Variants in COL6A3 observed in about 807,000 individuals in gnomAD.
The protein encoded by COL6A3 is collagen type VI alpha 3 chain, also known as collagen alpha-3(VI) chain.
COL6A3 carries 137 observed loss-of-function variants against 274.1 expected under a neutral mutation model. The ratio of observed to expected loss-of-function variants is 0.50; its 90% confidence interval spans 0.44 to 0.58. The LOEUF (loss-of-function observed/expected upper bound fraction) is 0.58, where lower values mean the gene tolerates loss of function less well. Ranked by LOEUF, COL6A3 falls within the 20% of genes least tolerant of loss-of-function variation. COL6A3 has a pLI of 0.00. For synonymous variants in COL6A3, 1,650 were observed against 1,650.6 expected, an observed-to-expected ratio of 1.00 and a Z score of 0.01; for missense variants, 3,950 against 4,124.9, an observed-to-expected ratio of 0.96 and a Z score of 1.16.
At chr2:237,404,500 A>C (rs920785666) in intron 1 of COL6A3, among the ~76,000 whole-genome samples, 2 of 152,204 alleles carry the variant, frequency 1.3e-5, no homozygotes, top group African/African-American at 2.4e-5. Flanking sequence ...AGAGTATTAT[A>C]GAGGCTCTTT....
Position 237,372,239 on chromosome 2 carries a change from C to T in COL6A3, c.3778G>A (p.Asp1260Asn), listed in dbSNP as rs2077711625. ...YVRTLIERLVDYLDVGFDTTR... is the reference protein window; with the variant it reads ...YVRTLIERLVNYLDVGFDTTR... The stretch of plus-strand genomic sequence containing the variant: ...GTGTCAAAGCCCACGTCCAGGTAGT[C>T]AACCAGCCTCTCTATGAGGGTGCGA... The change falls in exon 9 of 44, where the codon GAC becomes AAC. Residue 1260 changes from aspartate (D) to asparagine (N), a missense_variant. Asp to Asn is a conservative substitution (Grantham distance 23, BLOSUM62 1). Around this residue, in one of 5 missense-constraint regions of COL6A3, gnomAD observed 1,934 missense variants for 1,984.3 expected, o/e 0.97. Coordinates refer to ENST00000295550, the MANE Select transcript of COL6A3 (RefSeq NM_004369.4). The T allele has an allele frequency of 1.2e-6, 2 of 1,613,948 alleles. No individual in the cohort carries two copies. The highest frequency in any genetic ancestry group is 1.7e-6 in the Non-Finnish European group (2 of 1,180,046).
At chr2:237,384,630 T>G (rs932179988) in intron 4 of COL6A3, among the ~76,000 whole-genome samples, 3 of 152,032 alleles carry the variant, frequency 2.0e-5, no homozygotes, top group Non-Finnish European at 4.4e-5. Context: ...CTCCCATGCC[T>G]CCTTGGGAAG....
chr2:237,387,166 A>G (rs1489855716), intron 4 of COL6A3, among the ~76,000 whole-genome samples: 1 of 152,188 alleles, frequency 6.6e-6, no homozygotes, highest in Admixed American at 6.5e-5. Context: ...TACTCTGTCT[A>G]TGAGCACACT....
chr2:237,373,358 G>A (rs1038183598), intron 8 of COL6A3, among the ~76,000 whole-genome samples: 2 of 152,146 alleles, frequency 1.3e-5, no homozygotes, highest in Non-Finnish European at 2.9e-5. Context: ...CACACAAAGC[G>A]CCTTAGTTAG....
chr2:237,392,657 T>G (rs1283104394), intron 3 of COL6A3, among the ~76,000 whole-genome samples: 3 of 152,238 alleles, frequency 2.0e-5, no homozygotes, highest in Non-Finnish European at 4.4e-5. Flanking sequence ...TCTTTTTTGA[T>G]TCAAAGAATT....
Position 237,360,278 on chromosome 2 carries a change from A to G in COL6A3, c.6211-119T>C. ...CATGCAGCAGAAAGCAGATTTCACCATGGGGAACGCCGATCGAGGCTACGT... is the reference window on the plus strand; with the variant it reads ...CATGCAGCAGAAAGCAGATTTCACCGTGGGGAACGCCGATCGAGGCTACGT... On this transcript the variant is annotated intron_variant, in intron 16 of 43. Transcript: ENST00000295550. 4 of 1,014,966 alleles carry G rather than the reference A, an allele frequency of 3.9e-6. No individual in the cohort carries two copies. The East Asian group carries it at 7.8e-5, about 20-fold the overall frequency. 62.9% of individuals were successfully genotyped at this position (1,014,966 alleles called of 1,614,324 possible). A position where few individuals can be genotyped will look rare whatever the true frequency, so the allele number is the denominator to read the frequency against.
rs1559235095 is a variant in COL6A3 at position 237,365,948 on chromosome 2, T to C, written c.5588A>G (p.Asp1863Gly). The change falls in exon 12 of 44, where the codon GAC becomes GGC. Residue 1863 changes from aspartate to glycine, a missense_variant. Transcript: ENST00000295550. The part of the protein sequence containing the change: ...VAQKGFESKV[D>G]AILNRISQMH... Reference sequence around the variant, plus strand: ...CTGGCTGATTCTGTTCAAGATGGCGTCCACCTTGGACTCGAAGCCCTTCTG... The same window carrying C: ...CTGGCTGATTCTGTTCAAGATGGCGCCCACCTTGGACTCGAAGCCCTTCTG... 1.2e-6 allele frequency: 2 copies of C among 1,614,070 alleles called. No individual in the cohort carries two copies. The highest frequency in any genetic ancestry group is 1.3e-5 in the African/African-American group (1 of 75,044).
chr2:237,338,868 A>G (rs1700681130), intron 39 of COL6A3, 147 bp downstream of exon 39: 1 of 654,686 alleles, frequency 1.5e-6, no homozygotes, highest in Admixed American at 2.7e-5. Flanking sequence ...AAAACAGATT[A>G]TTTGAGAAGC....
At chr2:237,410,300 C>CTTTTTT (rs552676030) in intron 1 of COL6A3, among the ~76,000 whole-genome samples, 30 of 126,138 alleles carry the variant, frequency 2.4e-4, no homozygotes, top group Non-Finnish European at 3.5e-4. Context: ...AATTTCTTTT[C>CTTTTTT]TTTTTTTTTT....
At chr2:237,357,494 G>C in intron 22 of COL6A3, 103 bp from the exon 23 acceptor site, 1 of 1,078,558 alleles carries the variant, frequency 9.3e-7, no homozygotes, top group South Asian at 1.2e-5. Context: ...GATTCACAGA[G>C]GAAGAGCCCG....
At position 237,374,327 on chromosome 2, in the gene COL6A3, A is replaced by C. The variant is rs760740848; in HGVS notation, c.3679+85T>G. ...CACTTCACATGGCAGGAAAAGCAAA[A>C]TTGAGAACACCTTGTGGCCCACAGT... On this transcript the variant is annotated intron_variant, in intron 8 of 43. Coordinates refer to ENST00000295550, the MANE Select transcript of COL6A3 (RefSeq NM_004369.4). This position sits in a 1 kb window ranked among gnomAD's most constrained non-coding sequence, Gnocchi z 4.8. The C allele has an allele frequency of 1.9e-6, 3 of 1,587,432 alleles. No homozygotes were observed. Among genetic ancestry groups the C allele is most frequent in the Non-Finnish European group, 2.6e-6 (3 of 1,169,772 alleles).
At position 237,381,352 on chromosome 2, in the gene COL6A3, G is replaced by A. The variant is rs1243940054; in HGVS notation, c.1460C>T (p.Ala487Val). The change falls in exon 5 of 44, where the codon GCC becomes GTC. Residue 487 changes from alanine to valine, a missense_variant. This residue lies in a region of COL6A3 where 1,934 missense variants were observed against 1,984.3 expected (regional missense o/e 0.97). Transcript: ENST00000295550. ...IGQDLIQVAV[A>V]QYADTVRPEF... Reference sequence around the variant, plus strand: ...AGGCCTCACAGTGTCTGCATACTGGGCCACTGCCACCTGGATAAGATCCTG... The same window carrying A: ...AGGCCTCACAGTGTCTGCATACTGGACCACTGCCACCTGGATAAGATCCTG... 1 of 1,614,160 alleles carries A rather than the reference G, an allele frequency of 6.2e-7. No homozygotes were observed. The highest frequency in any genetic ancestry group is 8.5e-7 in the Non-Finnish European group (1 of 1,180,032).
intron 11 of COL6A3, 126 bp from the exon 12 acceptor site, chr2:237,366,161 C>A (rs1433130583): frequency 2.5e-5 from 20 of 801,232 alleles, no homozygotes; most frequent in Middle Eastern, 3.3e-4. Context: ...AAAATGAGAT[C>A]CTGTGTGTGT....
Position 237,387,434 on chromosome 2 carries a change from C to A in COL6A3, c.1312+148G>T, listed in dbSNP as rs538058187. On this transcript the variant is annotated intron_variant, in intron 4 of 43. Transcript: ENST00000295550. ...ACACATGACATCACAAACATGACAT[C>A]CAGGACCCAGCTCATCAGGGAAGGA... 32 of 1,204,638 alleles carry A rather than the reference C, an allele frequency of 2.7e-5. No individual in the cohort carries two copies. In the South Asian group the frequency reaches 4.0e-4, roughly 15 times the overall value. The allele number at this position is 1,204,638 out of a possible 1,614,324, so 74.6% of individuals were successfully genotyped here.
intron 1 of COL6A3, among the ~76,000 whole-genome samples, chr2:237,397,477 G>C (rs777922506): frequency 5.5e-4 from 79 of 144,446 alleles, no homozygotes; most frequent in Non-Finnish European, 9.7e-4. Context: ...GGGAGGGAGG[G>C]AGGGAGAGAG....
At chr2:237,331,375 T>C (rs1284724404) in intron 42 of COL6A3, among the ~76,000 whole-genome samples, 1 of 152,022 alleles carries the variant, frequency 6.6e-6, no homozygotes, top group Admixed American at 6.6e-5. Context: ...ATGACAATTA[T>C]AGGAGAAGGT....
chr2:237,340,137 T>C (rs2106318865), intron 38 of COL6A3, among the ~76,000 whole-genome samples: 1 of 152,276 alleles, frequency 6.6e-6, no homozygotes, highest in Admixed American at 6.5e-5. Flanking sequence ...GCGTAATAAA[T>C]GTGCATTTGA....
chr2:237,373,312 T>C (rs1051894724), intron 8 of COL6A3, among the ~76,000 whole-genome samples: 1 of 152,172 alleles, frequency 6.6e-6, no homozygotes, highest in African/African-American at 2.4e-5. Context: ...GCAGATACAT[T>C]TTGGAAATGT....
At chr2:237,354,703 T>C (rs895162370) in intron 24 of COL6A3, among the ~76,000 whole-genome samples, 196 bp downstream of exon 24, 7 of 152,146 alleles carry the variant, frequency 4.6e-5, no homozygotes, top group African/African-American at 9.7e-5. Context: ...CCCGAACACC[T>C]TGGGCAGGTG....
Sources: allele counts gnomAD v4.1 joint callset (sites outside exome capture counted in the v4.1 genomes callset), GRCh38; gene constraint gnomAD v4.1.1; regional missense constraint gnomAD v4.1.1; non-coding constraint Gnocchi (gnomAD v3.1); transcripts MANE v1.5; gene names NCBI Gene and HGNC (gene_info 2026-07-23, HGNC 2026-07-21).